The following CBLB variants were observed in gnomAD, a reference collection of about 807,000 sequenced individuals.
The protein encoded by CBLB is E3 ubiquitin-protein ligase CBL-B.
In CBLB, 31 loss-of-function variants were observed where a neutral mutation model predicts 104.9. The ratio of observed to expected loss-of-function variants is 0.30; its 90% confidence interval spans 0.22 to 0.40. CBLB has a LOEUF of 0.40. CBLB is among the 10% of genes least tolerant of loss of function. The probability of loss-of-function intolerance (pLI) is 1.00; values close to 1 mark genes in which losing one functional copy is unlikely to be tolerated. For missense variants in CBLB, 1,062 were observed against 1,214.6 expected, an observed-to-expected ratio of 0.87 and a Z score of 1.87; for synonymous variants, 440 against 422.6, an observed-to-expected ratio of 1.04 and a Z score of -0.51.
At chr3:105,869,060 G>A, upstream of CBLB, 1 of 1,073,418 alleles carries the variant, frequency 9.3e-7, no homozygotes, top group Non-Finnish European at 1.2e-6. Flanking sequence ...GGCGGGGCGG[G>A]GCGGGGGCGG....
At chr3:105,679,790 T>C (rs2066092006) in intron 16 of CBLB, among the ~76,000 whole-genome samples, 1 of 151,962 alleles carries the variant, frequency 6.6e-6, no homozygotes, top group Non-Finnish European at 1.5e-5. Flanking sequence ...AAAAAAGATA[T>C]TACTATTTAC....
Position 105,853,447 on chromosome 3 carries a change from T to G in CBLB, c.386A>C (p.Lys129Thr). 1 of 1,613,674 alleles carries G rather than the reference T, an allele frequency of 6.2e-7. No individual in the cohort carries two copies. The highest frequency in any genetic ancestry group is 8.5e-7 in the Non-Finnish European group (1 of 1,179,688). The change falls in exon 3 of 19, where the codon AAG becomes ACG. Residue 129 changes from lysine (K) to threonine (T), a missense_variant. Physicochemically the swap from Lys to Thr is moderately conservative, Grantham distance 78. Coordinates refer to ENST00000394030, the MANE Select transcript of CBLB (RefSeq NM_170662.5). ...TGACTGTTCTTCATACATTCTCTCCTTGCCTTCTTTAAAGAGTCTTATTGC... is the reference window on the plus strand; with the variant it reads ...TGACTGTTCTTCATACATTCTCTCCGTGCCTTCTTTAAAGAGTCTTATTGC... Reference protein sequence around the residue: ...KRAIRLFKEGKERMYEEQSQD... With the variant: ...KRAIRLFKEGTERMYEEQSQD...
At chr3:105,718,684 C>G (rs1307935642) in intron 10 of CBLB, among the ~76,000 whole-genome samples, 1 of 152,160 alleles carries the variant, frequency 6.6e-6, no homozygotes, top group African/African-American at 2.4e-5. Context: ...ATCTTCAGGG[C>G]TGTGTTGAAA....
chr3:105,670,556 T>C (rs2064962197), intron 17 of CBLB: 1 of 552,130 alleles, frequency 1.8e-6, no homozygotes, highest in Non-Finnish European at 3.2e-6. Flanking sequence ...TTCACATTTA[T>C]TTCCAGATAA....
intron 2 of CBLB, among the ~76,000 whole-genome samples, chr3:105,857,315 T>C (rs1332148004): frequency 3.9e-5 from 6 of 152,212 alleles, no homozygotes; most frequent in African/African-American, 1.4e-4. Flanking sequence ...CAGGTGGAAA[T>C]TGCTTGAACT....
At position 105,855,940 on chromosome 3, in the gene CBLB, A is replaced by G. The variant is rs1052478609; in HGVS notation, c.169-2276T>C. Among the ~76,000 whole-genome samples, 4 of 152,244 alleles carry G rather than the reference A, an allele frequency of 2.6e-5. No homozygotes were observed. In the East Asian group the frequency reaches 7.7e-4, roughly 29 times the overall value. On this transcript the variant is annotated intron_variant, in intron 2 of 18. Coordinates refer to ENST00000394030, the MANE Select transcript of CBLB (RefSeq NM_170662.5). ...ATGGATCTGCCTCTGGGCACCCATA[A>G]AAGTGCCTGGGACAAATAAACAATC...
intron 4 of CBLB, chr3:105,762,355 T>A (rs2077726111): frequency 6.6e-6 from 1 of 152,212 alleles, no homozygotes; most frequent in South Asian, 2.1e-4. Context: ...CTCCAGGGCA[T>A]GTCAGAGGTC....
intron 3 of CBLB, among the ~76,000 whole-genome samples, chr3:105,784,355 C>T (rs1449514973): frequency 6.6e-6 from 1 of 152,088 alleles, no homozygotes; most frequent in Non-Finnish European, 1.5e-5. Flanking sequence ...GTAACCAGAA[C>T]ATAGCAGAAC....
intron 10 of CBLB, among the ~76,000 whole-genome samples, chr3:105,715,960 AC>A (rs2080966763): frequency 6.6e-6 from 1 of 152,164 alleles, no homozygotes; most frequent in Admixed American, 6.5e-5. Context: ...AATCACTTGA[AC>A]CAGGGAGGCA....
chr3:105,780,641 A>G (rs1170163429), intron 3 of CBLB, among the ~76,000 whole-genome samples: 2 of 145,162 alleles, frequency 1.4e-5, no homozygotes, highest in Non-Finnish European at 3.0e-5. Flanking sequence ...ATAATTTTAC[A>G]ATAAAAGTTT....
intron 3 of CBLB, among the ~76,000 whole-genome samples, chr3:105,836,618 T>C (rs1408504916): frequency 6.6e-6 from 1 of 152,148 alleles, no homozygotes; most frequent in East Asian, 1.9e-4. Flanking sequence ...GCCTGAGAAA[T>C]AGGGCAAATA....
chr3:105,758,443 G>A (rs1046342154), intron 4 of CBLB, among the ~76,000 whole-genome samples: 6 of 152,130 alleles, frequency 3.9e-5, no homozygotes, highest in East Asian at 1.9e-4. Flanking sequence ...CACTACTGTC[G>A]CTTATTGTTT....
At chr3:105,812,639 G>A (rs985788049) in intron 3 of CBLB, among the ~76,000 whole-genome samples, 1 of 152,134 alleles carries the variant, frequency 6.6e-6, no homozygotes, top group African/African-American at 2.4e-5. Context: ...AGTCAGCATG[G>A]ATGCAGCAAA....
At chr3:105,714,297 G>A (rs979173217) in intron 10 of CBLB, among the ~76,000 whole-genome samples, 15 of 152,282 alleles carry the variant, frequency 9.9e-5, no homozygotes, top group Admixed American at 7.8e-4. Flanking sequence ...GCAGGGAGGG[G>A]AAGGGGATGG....
At chr3:105,829,051 CAA>C (rs771113811) in intron 3 of CBLB, among the ~76,000 whole-genome samples, 4 of 137,454 alleles carry the variant, frequency 2.9e-5, no homozygotes, top group Admixed American at 7.2e-5. Flanking sequence ...TTCCTAAATA[CAA>C]AAAAAAAAAA....
chr3:105,844,916 T>C (rs1029448142), intron 3 of CBLB, among the ~76,000 whole-genome samples: 14 of 152,176 alleles, frequency 9.2e-5, no homozygotes, highest in African/African-American at 3.4e-4. Flanking sequence ...CCAAAGGAGC[T>C]TTCTTTAACT....
At chr3:105,685,830 T>TA (rs2066934020) in intron 13 of CBLB, among the ~76,000 whole-genome samples, 1 of 152,174 alleles carries the variant, frequency 6.6e-6, no homozygotes, top group Non-Finnish European at 1.5e-5. Context: ...ATTAAATGGG[T>TA]AAAATATGAT....
chr3:105,792,329 T>C (rs2081757569), intron 3 of CBLB, among the ~76,000 whole-genome samples: 2 of 152,168 alleles, frequency 1.3e-5, no homozygotes. Context: ...AAACCACATA[T>C]CTATCAGTCA....
intron 4 of CBLB, among the ~76,000 whole-genome samples, chr3:105,758,947 G>A (rs1057289548): frequency 1.3e-5 from 2 of 152,234 alleles, no homozygotes; most frequent in African/African-American, 2.4e-5. Flanking sequence ...ACAATGTGGG[G>A]CGTGAAGGGG....
Sources: allele counts gnomAD v4.1 joint callset (sites outside exome capture counted in the v4.1 genomes callset), GRCh38; gene constraint gnomAD v4.1.1; transcripts MANE v1.5; gene names NCBI Gene and HGNC (gene_info 2026-07-23, HGNC 2026-07-21).